ATXN1: variants seen among roughly 807,000 people sequenced by gnomAD.
ATXN1 encodes the protein ataxin 1.
Under a neutral mutation model 56.4 loss-of-function variants are expected in ATXN1, and 8 were observed. The ratio of observed to expected loss-of-function variants is 0.14; its 90% CI spans 0.08 to 0.26. The LOEUF is 0.26. ATXN1 is among the 10% of genes least tolerant of loss of function. The pLI, the probability that ATXN1 is intolerant of heterozygous loss-of-function variation, is 1.00. For synonymous variants in ATXN1, 514 were observed against 494.6 expected (o/e 1.04, Z -0.52); for missense variants, 987 against 1,106.5 (o/e 0.89, Z 1.53).
At chr6:16,650,069 A>T (rs901005907) in intron 3 of ATXN1, among the ~76,000 whole-genome samples, 1 of 152,114 alleles carries the variant, frequency 6.6e-6, no homozygotes, top group Admixed American at 6.6e-5. Flanking sequence ...AAATGCTGAC[A>T]TTACAGATGT....
chr6:16,351,781 T>A (rs566854036), intron 6 of ATXN1, among the ~76,000 whole-genome samples: 2 of 152,308 alleles, frequency 1.3e-5, no homozygotes, highest in South Asian at 4.1e-4. Context: ...CCTTTCAGTA[T>A]CGCAGCTTGA....
chr6:16,322,801 A>T (rs1760705415), intron 7 of ATXN1, among the ~76,000 whole-genome samples: 1 of 152,180 alleles, frequency 6.6e-6, no homozygotes, highest in Non-Finnish European at 1.5e-5. Context: ...ACTTGTGGCA[A>T]ACACAGCTGG....
intron 2 of ATXN1, among the ~76,000 whole-genome samples, chr6:16,722,822 C>G (rs1471770943): frequency 6.6e-6 from 1 of 152,220 alleles, no homozygotes; most frequent in African/African-American, 2.4e-5. Context: ...CTGAAACACA[C>G]TGTTGCTTTC....
At chr6:16,544,573 T>A (rs1761778553) in intron 4 of ATXN1, among the ~76,000 whole-genome samples, 1 of 152,070 alleles carries the variant, frequency 6.6e-6, no homozygotes, top group Admixed American at 6.5e-5. Context: ...TGCTGTGGGG[T>A]GCTTGCAACC....
chr6:16,736,234 T>C (rs565998896), intron 2 of ATXN1, among the ~76,000 whole-genome samples: 6 of 152,234 alleles, frequency 3.9e-5, no homozygotes, highest in Non-Finnish European at 8.8e-5. Context: ...ATTAAGAATA[T>C]GCCTACCTGG....
chr6:16,397,672 C>T (rs994819888), intron 6 of ATXN1, among the ~76,000 whole-genome samples: 1 of 152,178 alleles, frequency 6.6e-6, no homozygotes, highest in African/African-American at 2.4e-5. Flanking sequence ...CAGGTACATA[C>T]CACCAAGCCA....
intron 6 of ATXN1, among the ~76,000 whole-genome samples, chr6:16,384,759 C>T (rs539071665): frequency 6.6e-6 from 1 of 152,358 alleles, no homozygotes; most frequent in Admixed American, 6.5e-5. Flanking sequence ...CTGGCTTCCC[C>T]TTCTCCTTCT....
intron 6 of ATXN1, among the ~76,000 whole-genome samples, chr6:16,462,568 A>G (rs1760020723): frequency 6.6e-6 from 1 of 152,162 alleles, no homozygotes; most frequent in Non-Finnish European, 1.5e-5. Context: ...GCAGGACTAT[A>G]TACTGTAGCT....
rs757472452 is a variant in ATXN1, at chr6:16,327,669, C to CTGA, written c.641_642insTCA (p.Gln213_Gln214insHis). 5.3e-5 allele frequency: 80 copies of CTGA among 1,505,646 alleles called. No individual in the cohort carries two copies. The East Asian group carries it at 1.7e-3, about 32-fold the overall frequency. 93.3% of individuals were successfully genotyped at this position (1,505,646 alleles called of 1,614,324 possible). ...GCTGCTGCTGCTGCTGCTGCTGCTG[C>CTGA]TGCTGCTGATGCTGATGCTGCTGCT... On this transcript the variant is annotated inframe_insertion, in exon 7 of 8. Transcript: ENST00000436367.
chr6:16,651,296 A>T (rs929336774), intron 3 of ATXN1, among the ~76,000 whole-genome samples: 8 of 152,120 alleles, frequency 5.3e-5, no homozygotes, highest in African/African-American at 1.7e-4. Context: ...TGTAATCCCA[A>T]CACTTTGGGA....
chr6:16,444,064 C>T (rs1051384564), intron 6 of ATXN1, among the ~76,000 whole-genome samples: 32 of 151,088 alleles, frequency 2.1e-4, no homozygotes, highest in African/African-American at 7.5e-4. Flanking sequence ...TGCAGTGAGC[C>T]GAGATTGCGC....
At chr6:16,692,402 T>G (rs931524441) in intron 2 of ATXN1, among the ~76,000 whole-genome samples, 1 of 152,236 alleles carries the variant, frequency 6.6e-6, no homozygotes, top group Non-Finnish European at 1.5e-5. Flanking sequence ...CTTTGGGTTC[T>G]CAGATGACTT....
chr6:16,319,855 CCTTT>C (rs1418081411), intron 7 of ATXN1, among the ~76,000 whole-genome samples: 1 of 150,248 alleles, frequency 6.7e-6, no homozygotes, highest in Non-Finnish European at 1.5e-5. Flanking sequence ...GCATTTTTCT[CCTTT>C]TTTTTTTTTT....
chr6:16,337,949 G>A (rs1413032511), intron 6 of ATXN1, among the ~76,000 whole-genome samples: 3 of 152,208 alleles, frequency 2.0e-5, no homozygotes, highest in African/African-American at 7.2e-5. Context: ...TCACTTGAAT[G>A]TTTCTTACCA....
At chr6:16,542,415 A>C (rs1761732718) in intron 4 of ATXN1, among the ~76,000 whole-genome samples, 1 of 152,228 alleles carries the variant, frequency 6.6e-6, no homozygotes, top group Non-Finnish European at 1.5e-5. Context: ...CTGCATTTTC[A>C]TCTTCTCCCT....
At chr6:16,333,246 A>T (rs1181605531) in intron 6 of ATXN1, among the ~76,000 whole-genome samples, 1 of 152,230 alleles carries the variant, frequency 6.6e-6, no homozygotes, top group Non-Finnish European at 1.5e-5. Context: ...TAAAAAGGCT[A>T]TTATCATAAA....
intron 7 of ATXN1, among the ~76,000 whole-genome samples, chr6:16,321,065 A>G (rs1330442322): frequency 6.6e-6 from 1 of 152,198 alleles, no homozygotes; most frequent in Non-Finnish European, 1.5e-5. Context: ...CAGGGAAGGG[A>G]AAACTAACAT....
chr6:16,346,706 G>A (rs1164151856), intron 6 of ATXN1, among the ~76,000 whole-genome samples: 1 of 151,910 alleles, frequency 6.6e-6, no homozygotes, highest in African/African-American at 2.4e-5. Flanking sequence ...TGTAGTGAGA[G>A]GTGACAGCAT....
chr6:16,357,458 C>T (rs1316901995), intron 6 of ATXN1, among the ~76,000 whole-genome samples: 5 of 151,886 alleles, frequency 3.3e-5, no homozygotes, highest in Non-Finnish European at 5.9e-5. Context: ...TTGGTAGAGG[C>T]GAGATTTCAC....
Sources: gnomAD v4.1 joint callset for allele counts (sites outside exome capture counted in the v4.1 genomes callset) on GRCh38, gnomAD v4.1.1 for gene constraint, MANE v1.5 for transcripts, NCBI Gene and HGNC (gene_info 2026-07-23, HGNC 2026-07-21) for gene names.